MAGI2: variants seen among roughly 807,000 people sequenced by gnomAD.
MAGI2 encodes the protein membrane associated guanylate kinase, WW and PDZ domain containing 2, also known as membrane-associated guanylate kinase, WW and PDZ domain-containing protein 2.
Under a neutral mutation model 133.3 loss-of-function variants are expected in MAGI2, and 35 were observed. The observed-to-expected ratio is 0.26, with a 90% CI of 0.20 to 0.35. MAGI2 has a LOEUF of 0.35. MAGI2 is among the 10% of genes least tolerant of loss of function. MAGI2 has a pLI of 1.00. For missense variants in MAGI2, 1,636 were observed against 1,863.4 expected (o/e 0.88, Z 2.25); for synonymous variants, 729 against 710.6 (o/e 1.03, Z -0.41).
chr7:78,304,107 T>A (rs1430371553), intron 9 of MAGI2, among the ~76,000 whole-genome samples: 4 of 152,154 alleles, frequency 2.6e-5, no homozygotes. Context: ...TATTGTCAAT[T>A]TTACCTTCAA....
At chr7:78,941,728 T>TCACACACACACAAA (rs1554613251) in intron 2 of MAGI2, among the ~76,000 whole-genome samples, 69 of 123,460 alleles carry the variant, frequency 5.6e-4, no homozygotes, top group African/African-American at 1.0e-3. Flanking sequence ...GCCTATTTCA[T>TCACACACACACAAA]CACACACACA....
At chr7:78,969,072 A>G (rs1803562261) in intron 2 of MAGI2, among the ~76,000 whole-genome samples, 2 of 152,092 alleles carry the variant, frequency 1.3e-5, no homozygotes, top group Non-Finnish European at 1.5e-5. Flanking sequence ...GAAGCCAGGT[A>G]CATTCAATAT....
intron 12 of MAGI2, among the ~76,000 whole-genome samples, chr7:78,188,412 A>G (rs942273555): frequency 8.5e-5 from 13 of 152,176 alleles, no homozygotes; most frequent in Non-Finnish European, 1.8e-4. Flanking sequence ...CATAACATAC[A>G]TTATACTAAG....
chr7:79,298,704 T>C (rs1291870469), intron 1 of MAGI2, among the ~76,000 whole-genome samples: 1 of 152,142 alleles, frequency 6.6e-6, no homozygotes, highest in Non-Finnish European at 1.5e-5. Context: ...CCCAGTATCT[T>C]ATAATGTGAC....
chr7:78,310,906 G>C (rs1358562055), intron 9 of MAGI2, among the ~76,000 whole-genome samples: 1 of 152,130 alleles, frequency 6.6e-6, no homozygotes, highest in Non-Finnish European at 1.5e-5. Context: ...ATTCTTAAAA[G>C]CACTTGGAAA....
intron 10 of MAGI2, among the ~76,000 whole-genome samples, chr7:78,209,658 A>G (rs1584406816): frequency 1.3e-5 from 2 of 151,862 alleles, no homozygotes; most frequent in African/African-American, 4.8e-5. Flanking sequence ...CCTTCTATTT[A>G]CCTCCATGGC....
Position 79,317,843 on chromosome 7 carries a change from T to G in MAGI2, c.301+135177A>C, listed in dbSNP as rs1182523510. 2.0e-5 allele frequency among the ~76,000 whole-genome samples: 3 copies of G among 151,004 alleles called. No homozygotes were observed. The South Asian group carries it at 6.2e-4, about 31-fold the overall frequency. On this transcript the variant is annotated intron_variant, in intron 1 of 21. Transcript: ENST00000354212. Reference sequence around the variant, plus strand: ...ATGACTCATCCTCCTTTGCATTTGTTTACTTAACTGGAATGTGCCTGGTTT... The same window carrying G: ...ATGACTCATCCTCCTTTGCATTTGTGTACTTAACTGGAATGTGCCTGGTTT...
intron 7 of MAGI2, among the ~76,000 whole-genome samples, chr7:78,346,729 T>C (rs1790951769): frequency 2.0e-5 from 3 of 152,176 alleles, no homozygotes; most frequent in Admixed American, 6.5e-5. Flanking sequence ...AATTTCTGTA[T>C]AGCAGGCTGT....
intron 2 of MAGI2, among the ~76,000 whole-genome samples, chr7:78,657,426 G>A (rs1205737108): frequency 3.3e-5 from 5 of 152,188 alleles, no homozygotes; most frequent in African/African-American, 1.2e-4. Flanking sequence ...CAACCAAGAT[G>A]TCCTTTAGTA....
At chr7:78,151,192 G>A (rs1018789772) in intron 16 of MAGI2, among the ~76,000 whole-genome samples, 4 of 151,758 alleles carry the variant, frequency 2.6e-5, no homozygotes, top group Admixed American at 6.6e-5. Context: ...CTGAAAAAGC[G>A]GAATTGAATA....
chr7:78,139,847 T>G (rs766128233), intron 16 of MAGI2, among the ~76,000 whole-genome samples: 5 of 152,214 alleles, frequency 3.3e-5, no homozygotes, highest in Non-Finnish European at 5.9e-5. Flanking sequence ...CTTTATTCCT[T>G]TATAGATAAA....
chr7:79,301,941 C>T (rs949913634), intron 1 of MAGI2, among the ~76,000 whole-genome samples: 1 of 152,158 alleles, frequency 6.6e-6, no homozygotes, highest in Non-Finnish European at 1.5e-5. Flanking sequence ...CTCTCTTGCT[C>T]CTGCTTTCAC....
intron 2 of MAGI2, among the ~76,000 whole-genome samples, chr7:78,969,818 G>C (rs1477807726): frequency 6.6e-6 from 1 of 152,010 alleles, no homozygotes. Context: ...CATAGTAACG[G>C]TGATAATGTT....
In MAGI2 at chr7:79,442,548, C is replaced by T. The variant is rs573026770; in HGVS notation, c.301+10472G>A. Among the ~76,000 whole-genome samples, 25 of 151,684 alleles carry T rather than the reference C, an allele frequency of 1.6e-4. No homozygotes were observed. The East Asian group carries it at 4.3e-3, about 26-fold the overall frequency. The stretch of plus-strand genomic sequence containing the variant: ...TCACTAGGGTGACTCCCACGCTAGA[C>T]TGAAGAAGAGCAAAGCATAGGAACT... On this transcript the variant is annotated intron_variant, in intron 1 of 21. Transcript: ENST00000354212.
chr7:78,668,390 T>G (rs1813900844), intron 2 of MAGI2, among the ~76,000 whole-genome samples: 1 of 151,092 alleles, frequency 6.6e-6, no homozygotes, highest in Non-Finnish European at 1.5e-5. Flanking sequence ...AGAAGCTCTT[T>G]AGTTTAATTA....
chr7:78,495,393 G>A (rs1793997504), intron 5 of MAGI2, among the ~76,000 whole-genome samples: 1 of 152,078 alleles, frequency 6.6e-6, no homozygotes, highest in Non-Finnish European at 1.5e-5. Flanking sequence ...TTAGTTTGCT[G>A]AAAAACATTA....
intron 6 of MAGI2, among the ~76,000 whole-genome samples, chr7:78,442,318 G>A (rs73148327): frequency 6.6e-6 from 1 of 152,096 alleles, no homozygotes; most frequent in African/African-American, 2.4e-5. Flanking sequence ...TGTCTTATAC[G>A]AATCATCATC....
At chr7:78,519,824 C>T (rs1796346814) in intron 4 of MAGI2, among the ~76,000 whole-genome samples, 1 of 152,144 alleles carries the variant, frequency 6.6e-6, no homozygotes, top group African/African-American at 2.4e-5. Context: ...AGATGTTAAC[C>T]AGTAAGAAAT....
chr7:78,752,422 G>A (rs1234585874), intron 2 of MAGI2, among the ~76,000 whole-genome samples: 1 of 152,098 alleles, frequency 6.6e-6, no homozygotes, highest in Admixed American at 6.5e-5. Flanking sequence ...GACCAACAAG[G>A]TGAAACCCCG....
Sources: allele counts gnomAD v4.1 joint callset (sites outside exome capture counted in the v4.1 genomes callset), GRCh38; gene constraint gnomAD v4.1.1; transcripts MANE v1.5; gene names NCBI Gene and HGNC (gene_info 2026-07-23, HGNC 2026-07-21).